The following COLEC10 variants were observed in gnomAD, a reference collection of about 807,000 sequenced individuals.
COLEC10 encodes the protein collectin subfamily member 10.
In COLEC10, 22 loss-of-function variants were observed where a neutral mutation model predicts 28.4. That is an observed-to-expected ratio of 0.78 (90% CI 0.55 to 1.11). The LOEUF (loss-of-function observed/expected upper bound fraction) is 1.11. Among genes scored for constraint, COLEC10 ranks in the 50% least tolerant of loss-of-function variants. The probability of loss-of-function intolerance (pLI) is 0.00; values close to 1 mark genes in which losing one functional copy is unlikely to be tolerated. For synonymous variants in COLEC10, 125 were observed against 116.1 expected, an observed-to-expected ratio of 1.08 and a Z score of -0.49; for missense variants, 361 against 344.1, an observed-to-expected ratio of 1.05 and a Z score of -0.39.
intron 2 of COLEC10, among the ~76,000 whole-genome samples, chr8:119,019,547 A>G (rs996787217): frequency 1.3e-5 from 2 of 151,864 alleles, no homozygotes; most frequent in Non-Finnish European, 2.9e-5. Flanking sequence ...TTTTTCCCCG[A>G]TTGTCCACAG....
At chr8:119,092,419 T>A (rs188815858) in intron 3 of COLEC10, among the ~76,000 whole-genome samples, 2 of 152,220 alleles carry the variant, frequency 1.3e-5, no homozygotes, top group Admixed American at 1.3e-4. Flanking sequence ...ACAGAGATAG[T>A]CTCCTCTGTA....
At chr8:118,995,976 G>C (rs1363045974) in intron 1 of COLEC10, among the ~76,000 whole-genome samples, 2 of 151,984 alleles carry the variant, frequency 1.3e-5, no homozygotes, top group African/African-American at 4.8e-5. Context: ...ATGTTGCACA[G>C]ACAGTTTCTA....
At chr8:119,097,638 A>G (rs1815746848) in intron 3 of COLEC10, among the ~76,000 whole-genome samples, 1 of 152,054 alleles carries the variant, frequency 6.6e-6, no homozygotes, top group Non-Finnish European at 1.5e-5. Flanking sequence ...TAAGCTTCAG[A>G]TAAAATGCAT....
the COLEC10 span, among the ~76,000 whole-genome samples, chr8:118,957,147 T>C: frequency 2.6e-5 from 4 of 152,180 alleles, no homozygotes; most frequent in Non-Finnish European, 4.4e-5. Context: ...CAAAAACATA[T>C]ACATTTATTC....
chr8:119,098,115 C>A (rs929237135), intron 3 of COLEC10, among the ~76,000 whole-genome samples: 2 of 151,938 alleles, frequency 1.3e-5, no homozygotes, highest in Non-Finnish European at 2.9e-5. Context: ...GAGCAGTGAA[C>A]TTCATTTTTT....
intron 1 of COLEC10, among the ~76,000 whole-genome samples, chr8:118,998,476 C>T (rs1813631143): frequency 6.6e-6 from 1 of 152,022 alleles, no homozygotes; most frequent in African/African-American, 2.4e-5. Flanking sequence ...GCTGAGATAG[C>T]GCATGAATAG....
chr8:119,077,059 G>A (rs150511873), intron 1 of COLEC10, among the ~76,000 whole-genome samples: 1 of 152,314 alleles, frequency 6.6e-6, no homozygotes, highest in Admixed American at 6.5e-5. Flanking sequence ...TGTCACCAAT[G>A]ATTCTGGGGC....
chr8:119,039,814 C>G (rs759239841), intron 2 of COLEC10, among the ~76,000 whole-genome samples: 2 of 152,192 alleles, frequency 1.3e-5, no homozygotes, highest in Non-Finnish European at 1.5e-5. Flanking sequence ...ATCTTTCTCT[C>G]TCTTTATTCT....
At chr8:118,952,634 A>G in the COLEC10 span, among the ~76,000 whole-genome samples, 1 of 152,190 alleles carries the variant, frequency 6.6e-6, no homozygotes, top group African/African-American at 2.4e-5. Flanking sequence ...TGCAGAGTGA[A>G]AATTGGACTG....
rs112770111 is a variant in COLEC10, at chr8:119,011,422, A to G, written n.235+1869A>G. ...TTGGGTCAGGTAATGCCAGTCCTCCAATTCTGCTTTCCTTCAATATTGTGT... is the reference window on the plus strand; with the variant it reads ...TTGGGTCAGGTAATGCCAGTCCTCCGATTCTGCTTTCCTTCAATATTGTGT... On this transcript the variant is annotated intron_variant and non_coding_transcript_variant, in intron 2 of 6. Transcript: ENST00000521788. Among the ~76,000 whole-genome samples the G allele has an allele frequency of 8.1e-4, 122 of 150,838 alleles. 1 individual carries two copies. Among genetic ancestry groups the G allele is most frequent in the Non-Finnish European group, 1.5e-3 (100 of 67,916 alleles).
upstream of COLEC10, among the ~76,000 whole-genome samples, chr8:118,992,166 A>G (rs1813514875): frequency 6.6e-6 from 1 of 152,178 alleles, no homozygotes; most frequent in Non-Finnish European, 1.5e-5. Context: ...GTAAAGGTCT[A>G]TATCGGAATC....
intron 3 of COLEC10, among the ~76,000 whole-genome samples, chr8:119,092,080 T>C (rs929013493): frequency 1.5e-5 from 2 of 131,758 alleles, no homozygotes; most frequent in African/African-American, 4.2e-5. Context: ...TTTTTTTTTT[T>C]TTTTTTTGAG....
intron 2 of COLEC10, among the ~76,000 whole-genome samples, chr8:119,033,017 C>CT (rs760602593): frequency 1.1e-4 from 16 of 152,006 alleles, no homozygotes; most frequent in South Asian, 2.1e-4. Context: ...TTTTCCATCT[C>CT]TTTTTTACGC....
chr8:119,019,050 A>G (rs902767977), intron 2 of COLEC10, among the ~76,000 whole-genome samples: 2 of 152,186 alleles, frequency 1.3e-5, no homozygotes, highest in East Asian at 3.9e-4. Flanking sequence ...CCCCTTCTGC[A>G]GTTACCCGCA....
At chr8:119,033,471 G>A (rs910578937) in intron 2 of COLEC10, among the ~76,000 whole-genome samples, 7 of 152,166 alleles carry the variant, frequency 4.6e-5, no homozygotes, top group African/African-American at 1.7e-4. Context: ...CCTATAGAAC[G>A]GGAGAAAAAT....
the COLEC10 span, among the ~76,000 whole-genome samples, chr8:118,987,569 AT>A: frequency 6.6e-6 from 1 of 152,198 alleles, no homozygotes; most frequent in Non-Finnish European, 1.5e-5. Flanking sequence ...GTCTCAAAAA[AT>A]AAAAAAGAAA....
chr8:118,959,101 T>C, the COLEC10 span, among the ~76,000 whole-genome samples: 1 of 152,178 alleles, frequency 6.6e-6, no homozygotes, highest in Non-Finnish European at 1.5e-5. Flanking sequence ...CTGCCCCTTC[T>C]TTAGTGGTTG....
intron 2 of COLEC10, among the ~76,000 whole-genome samples, chr8:119,049,507 A>G (rs1002318217): frequency 1.5e-5 from 2 of 132,698 alleles, no homozygotes; most frequent in South Asian, 2.5e-4. Flanking sequence ...CTTCGCCTCC[A>G]GGGTTCACGC....
upstream of COLEC10, among the ~76,000 whole-genome samples, chr8:119,067,028 A>G (rs1814977496): frequency 6.6e-6 from 1 of 152,208 alleles, no homozygotes; most frequent in Non-Finnish European, 1.5e-5. Flanking sequence ...TTCTACTGAC[A>G]TGCACACTGG....
Sources: allele counts gnomAD v4.1 joint callset (sites outside exome capture counted in the v4.1 genomes callset), GRCh38; gene constraint gnomAD v4.1.1; transcripts MANE v1.5; gene names NCBI Gene and HGNC (gene_info 2026-07-23, HGNC 2026-07-21).